The following ANTXR1 variants were observed in gnomAD, a reference collection of about 807,000 sequenced individuals.
ANTXR1 encodes anthrax toxin receptor 1.
A neutral mutation model predicts 78.1 loss-of-function variants in ANTXR1; 19 were observed. The ratio of observed to expected loss-of-function variants is 0.24; its 90% CI spans 0.17 to 0.36. ANTXR1 has a LOEUF of 0.36. Ranked by LOEUF, ANTXR1 falls within the 10% of genes least tolerant of loss-of-function variation. The probability of loss-of-function intolerance (pLI) is 1.00; values close to 1 mark genes in which losing one functional copy is unlikely to be tolerated. For synonymous variants in ANTXR1, 273 were observed against 260.5 expected (o/e 1.05, Z -0.46); for missense variants, 518 against 718.6 (o/e 0.72, Z 3.19).
At chr2:69,092,495 A>G (rs1671272141) in intron 9 of ANTXR1, among the ~76,000 whole-genome samples, 1 of 152,260 alleles carries the variant, frequency 6.6e-6, no homozygotes, top group African/African-American at 2.4e-5. Flanking sequence ...ACCTACATAA[A>G]GTTGTTAGCA....
chr2:69,077,440 G>T lies in ANTXR1; in HGVS notation c.594G>T (p.Val198=), dbSNP rs750850288. Residue 198 remains valine, a synonymous_variant, in exon 8 of 18, where the codon GTG becomes GTT. Transcript: ENST00000303714. ...LARIADSKDH[V]FPVNDGFQAL... ...GGATTGCGGACAGTAAGGATCATGT[G>T]TTTCCCGTGAATGACGGCTTTCAGG... 1 of 1,614,034 alleles carries T rather than the reference G, an allele frequency of 6.2e-7. No homozygotes were observed. Among genetic ancestry groups the T allele is most frequent in the Non-Finnish European group, 8.5e-7 (1 of 1,180,024 alleles).
At chr2:69,102,759 G>A in intron 9 of ANTXR1, 83 bp from the exon 10 acceptor site, 1 of 1,368,766 alleles carries the variant, frequency 7.3e-7, no homozygotes, top group Non-Finnish European at 1.0e-6. Context: ...GTGAAATAGT[G>A]AACAAATGCT....
intron 12 of ANTXR1, among the ~76,000 whole-genome samples, chr2:69,142,899 G>A (rs559587471): frequency 1.3e-5 from 2 of 152,290 alleles, no homozygotes; most frequent in South Asian, 4.1e-4. Context: ...GTACCTAGCA[G>A]TCCACGAATA....
At chr2:69,214,879 T>A (rs1235718883) in intron 17 of ANTXR1, among the ~76,000 whole-genome samples, 1 of 152,260 alleles carries the variant, frequency 6.6e-6, no homozygotes, top group African/African-American at 2.4e-5. Context: ...TGTTTCTTTA[T>A]TCCCAGTGTT....
intron 14 of ANTXR1, among the ~76,000 whole-genome samples, chr2:69,178,766 C>G (rs772504242): frequency 1.4e-4 from 21 of 152,290 alleles, no homozygotes; most frequent in Non-Finnish European, 2.8e-4. Flanking sequence ...AACCCCTGGA[C>G]AAGGCATCAG....
At chr2:69,041,266 T>C (rs545792372) in intron 2 of ANTXR1, among the ~76,000 whole-genome samples, 4 of 152,312 alleles carry the variant, frequency 2.6e-5, no homozygotes, top group South Asian at 2.1e-4. Context: ...CTAGGAGGCA[T>C]TGTGTAACTC....
At chr2:69,017,523 G>A (rs954771425) in intron 1 of ANTXR1, among the ~76,000 whole-genome samples, 10 of 152,132 alleles carry the variant, frequency 6.6e-5, no homozygotes, top group Admixed American at 5.2e-4. Flanking sequence ...GGCCTGGAGG[G>A]AACCCAGATT....
chr2:69,055,231 C>G (rs1358796283), intron 3 of ANTXR1, among the ~76,000 whole-genome samples: 2 of 152,170 alleles, frequency 1.3e-5, no homozygotes, highest in East Asian at 3.8e-4. Flanking sequence ...TCCCCAGCTC[C>G]CCTTGGCCCA....
intron 14 of ANTXR1, 77 bp downstream of exon 14, chr2:69,170,366 A>T: frequency 6.5e-7 from 1 of 1,537,622 alleles, no homozygotes; most frequent in South Asian, 1.1e-5. Flanking sequence ...GCAGCTGGAC[A>T]CTTAGCCCCC....
intron 10 of ANTXR1, among the ~76,000 whole-genome samples, chr2:69,105,023 T>C (rs150881896): frequency 6.6e-6 from 1 of 152,244 alleles, no homozygotes; most frequent in Non-Finnish European, 1.5e-5. Flanking sequence ...GAGGCAGAGG[T>C]TGCAGTGAAC....
In ANTXR1 at chr2:69,172,388, G is replaced by C. The variant is rs1558620618; in HGVS notation, c.1089+2099G>C. On this transcript the variant is annotated intron_variant, in intron 14 of 17. Transcript: ENST00000303714. ...GCAGGAAAATAAAATAAAATAACAA[G>C]AAGAAGAAAGAAAGAAATCCCACAG... 9.9e-6 allele frequency: 16 copies of C among 1,611,286 alleles called. No homozygotes were observed. The Middle Eastern group carries it at 5.0e-4, about 50-fold the overall frequency.
chr2:69,177,912 T>C (rs1204152604), intron 14 of ANTXR1, among the ~76,000 whole-genome samples: 4 of 152,180 alleles, frequency 2.6e-5, no homozygotes, highest in Non-Finnish European at 4.4e-5. Context: ...CACAAGCCCC[T>C]GATTTCTCAT....
At chr2:69,078,612 C>A (rs993756771) in intron 8 of ANTXR1, among the ~76,000 whole-genome samples, 2 of 152,126 alleles carry the variant, frequency 1.3e-5, no homozygotes, top group African/African-American at 4.8e-5. Context: ...TTTCATTGGC[C>A]CACGTACTTA....
At chr2:69,032,346 CT>C (rs1467082613) in intron 1 of ANTXR1, among the ~76,000 whole-genome samples, 1 of 152,034 alleles carries the variant, frequency 6.6e-6, no homozygotes, top group Admixed American at 6.5e-5. Context: ...TTTTTATTTT[CT>C]TCCTTTTGTT....
rs71413178 is a variant in ANTXR1 at position 69,030,057 on chromosome 2, C to T, written c.153-9987C>T. Among the ~76,000 whole-genome samples, 1,211 of 152,290 alleles carry T rather than the reference C, an allele frequency of 8.0e-3. 8 individuals are homozygous for T. The highest frequency in any genetic ancestry group is 0.017 in the South Asian group (83 of 4,826). On this transcript the variant is annotated intron_variant, in intron 1 of 17. Coordinates refer to ENST00000303714, the MANE Select transcript of ANTXR1 (RefSeq NM_032208.3). ...TCTTCCAAGTCCACCTTCTGGGTAG[C>T]AAGAGGGAGGGAAATCCATAAATTT...
In ANTXR1 at chr2:69,013,577, C is replaced by T; in HGVS notation, c.78C>T (p.Ala26=). 6.4e-7 allele frequency: 1 copy of T among 1,570,632 alleles called. No individual in the cohort carries two copies. Among genetic ancestry groups the T allele is most frequent in the Non-Finnish European group, 8.6e-7 (1 of 1,157,568 alleles). Residue 26 remains alanine, a synonymous_variant, in exon 1 of 18, where the codon GCC becomes GCT. Coordinates refer to ENST00000303714, the MANE Select transcript of ANTXR1 (RefSeq NM_032208.3). The surrounding 1 kb of genome is among the most constrained non-coding windows in gnomAD (Gnocchi z 5.0). ...TGGCCACTCTGGTGCTCATCTGCGCCGGGCAAGGGGGACGCAGGGAGGATG... is the reference window on the plus strand; with the variant it reads ...TGGCCACTCTGGTGCTCATCTGCGCTGGGCAAGGGGGACGCAGGGAGGATG... ...LSLATLVLIC[A]GQGGRREDGG... is the part of the protein sequence containing the mutation.
chr2:69,155,211 A>G (rs2104433877), intron 13 of ANTXR1, among the ~76,000 whole-genome samples: 1 of 152,292 alleles, frequency 6.6e-6, no homozygotes, highest in East Asian at 1.9e-4. Context: ...GTAATGACTG[A>G]TGGGGAGAGA....
intron 13 of ANTXR1, among the ~76,000 whole-genome samples, chr2:69,157,706 T>A (rs1037682178): frequency 4.6e-5 from 7 of 152,208 alleles, no homozygotes; most frequent in African/African-American, 1.7e-4. Context: ...ACTCAGTAGT[T>A]GCTTAAGAAA....
At chr2:69,188,801 A>G (rs921784894) in intron 16 of ANTXR1, among the ~76,000 whole-genome samples, 4 of 152,220 alleles carry the variant, frequency 2.6e-5, no homozygotes, top group Non-Finnish European at 4.4e-5. Context: ...GAGGCAACTC[A>G]GAAGGATCCT....
Sources: gnomAD v4.1 joint callset for allele counts (sites outside exome capture counted in the v4.1 genomes callset) on GRCh38, gnomAD v4.1.1 for gene constraint, Gnocchi (gnomAD v3.1) non-coding constraint, MANE v1.5 for transcripts, NCBI Gene and HGNC (gene_info 2026-07-23, HGNC 2026-07-21) for gene names.